Variants in KAT6B observed in about 807,000 individuals in gnomAD.
The protein encoded by KAT6B is histone acetyltransferase KAT6B.
A neutral mutation model predicts 187.5 loss-of-function variants in KAT6B; 10 were observed. The ratio of observed to expected loss-of-function variants is 0.05; its 90% CI spans 0.03 to 0.09. KAT6B has a LOEUF of 0.09. Among genes scored for constraint, KAT6B ranks in the 10% least tolerant of loss-of-function variants. The probability of loss-of-function intolerance (pLI) is 1.00; values close to 1 mark genes in which losing one functional copy is unlikely to be tolerated. For synonymous variants in KAT6B, 861 were observed against 926.8 expected (o/e 0.93, Z 1.29); for missense variants, 1,952 against 2,558.9 (o/e 0.76, Z 5.12).
intron 3 of KAT6B, among the ~76,000 whole-genome samples, chr10:74,916,933 G>A (rs1011478073): frequency 3.9e-5 from 6 of 152,138 alleles, no homozygotes; most frequent in African/African-American, 7.2e-5. Flanking sequence ...GCAAAACCCT[G>A]TCTCTACAAA....
chr10:74,844,538 C>A (rs12416071), intron 3 of KAT6B, among the ~76,000 whole-genome samples: 1 of 152,210 alleles, frequency 6.6e-6, no homozygotes, highest in African/African-American at 2.4e-5. Context: ...AATACGTCAC[C>A]TAAATCCCTC....
intron 3 of KAT6B, among the ~76,000 whole-genome samples, chr10:74,957,545 T>A (rs1840778382): frequency 6.6e-6 from 1 of 152,224 alleles, no homozygotes; most frequent in African/African-American, 2.4e-5. Flanking sequence ...CATGTCTCTC[T>A]CACAGCTAAA....
intron 13 of KAT6B, among the ~76,000 whole-genome samples, chr10:74,993,412 C>T (rs1843232540): frequency 6.6e-6 from 1 of 152,202 alleles, no homozygotes; most frequent in Non-Finnish European, 1.5e-5. Context: ...TTTCTCTTCT[C>T]TCTCATATTT....
In KAT6B at chr10:74,985,170, G is replaced by C; in HGVS notation, c.2464G>C (p.Glu822Gln). ...CCACAAAACGTTGTATTATGATGTC[G>C]AGCCATTCCTTTTTTATGTCCTTAC... ...LDHKTLYYDV[E>Q]PFLFYVLTKN... The change falls in exon 12 of 18, where the codon GAG becomes CAG. Residue 822 changes from glutamate (E) to glutamine (Q), a missense_variant. By Grantham distance (29) the Glu-to-Gln change is conservative. Around this residue, in one of 9 missense-constraint regions of KAT6B, gnomAD observed 87 missense variants for 191.8 expected, o/e 0.45. Coordinates refer to ENST00000287239, the MANE Select transcript of KAT6B (RefSeq NM_012330.4). 1 of 1,614,022 alleles carries C rather than the reference G, an allele frequency of 6.2e-7. No individual in the cohort carries two copies. The highest frequency in any genetic ancestry group is 1.1e-5 in the South Asian group (1 of 91,070).
intron 3 of KAT6B, among the ~76,000 whole-genome samples, chr10:74,949,403 A>G (rs1840164172): frequency 6.6e-6 from 1 of 152,142 alleles, no homozygotes; most frequent in African/African-American, 2.4e-5. Context: ...AGAAATTTGT[A>G]GGCTTCATCT....
chr10:74,825,924 G>T (rs920542847), upstream of KAT6B, among the ~76,000 whole-genome samples: 4 of 151,480 alleles, frequency 2.6e-5, no homozygotes, highest in African/African-American at 7.3e-5. The surrounding 1 kb of genome is among the most constrained non-coding windows in gnomAD (Gnocchi z 5.0). Flanking sequence ...GGACGGGACG[G>T]GACGGGAGAG....
At chr10:74,926,493 C>T (rs1848513136) in intron 3 of KAT6B, among the ~76,000 whole-genome samples, 1 of 152,160 alleles carries the variant, frequency 6.6e-6, no homozygotes, top group Non-Finnish European at 1.5e-5. Context: ...CCACTGTATC[C>T]ATATTGCCTA....
chr10:74,863,264 T>G (rs1843317405), intron 3 of KAT6B, among the ~76,000 whole-genome samples: 3 of 152,216 alleles, frequency 2.0e-5, no homozygotes, highest in Admixed American at 2.0e-4. Flanking sequence ...CTATATAATT[T>G]TGTATCTTCC....
intron 3 of KAT6B, among the ~76,000 whole-genome samples, chr10:74,932,499 A>G (rs1564571661): frequency 6.6e-6 from 1 of 152,162 alleles, no homozygotes; most frequent in Non-Finnish European, 1.5e-5. Flanking sequence ...CCTTTCAGAA[A>G]ATTTTTGTAA....
In KAT6B at chr10:74,949,662, A is replaced by G. The variant is rs577859084; in HGVS notation, c.622-10308A>G. ...ACTGTTGTGGTTGATGTTCTTAGAA[A>G]GACTTTCCTTCTCTCGTCTTACTCC... On this transcript the variant is annotated intron_variant, in intron 3 of 17. Coordinates refer to ENST00000287239, the MANE Select transcript of KAT6B (RefSeq NM_012330.4). 2.4e-4 allele frequency among the ~76,000 whole-genome samples: 34 copies of G among 141,518 alleles called. No individual in the cohort carries two copies. The South Asian group carries it at 7.5e-3, about 31-fold the overall frequency. 92.8% of individuals were successfully genotyped at this position (141,518 alleles called of 152,430 possible).
intron 2 of KAT6B, among the ~76,000 whole-genome samples, chr10:74,839,908 A>G (rs1841603121): frequency 1.3e-5 from 2 of 152,244 alleles, no homozygotes; most frequent in Non-Finnish European, 2.9e-5. Flanking sequence ...GGTTTATATA[A>G]TGAAACAAAA....
At chr10:74,969,847 T>A in intron 5 of KAT6B, 72 bp downstream of exon 5, 1 of 1,167,954 alleles carries the variant, frequency 8.6e-7, no homozygotes, top group Non-Finnish European at 1.3e-6. Flanking sequence ...TTCATTTTTA[T>A]AGAGTATGGC....
At chr10:74,891,005 A>G (rs947795475) in intron 3 of KAT6B, among the ~76,000 whole-genome samples, 1 of 152,224 alleles carries the variant, frequency 6.6e-6, no homozygotes, top group African/African-American at 2.4e-5. Context: ...ATGTATTCCC[A>G]TTCAATAAAA....
At chr10:74,837,427 A>G (rs1246403970) in intron 1 of KAT6B, among the ~76,000 whole-genome samples, 1 of 152,174 alleles carries the variant, frequency 6.6e-6, no homozygotes, top group Non-Finnish European at 1.5e-5. Flanking sequence ...CCAACCTTCA[A>G]GTTTTTATAG....
intron 13 of KAT6B, among the ~76,000 whole-genome samples, chr10:75,007,575 A>G (rs1400558630): frequency 6.6e-6 from 1 of 152,140 alleles, no homozygotes; most frequent in East Asian, 1.9e-4. Context: ...ATGAGAGAGA[A>G]AGGAGAGGTG....
intron 3 of KAT6B, among the ~76,000 whole-genome samples, chr10:74,849,453 C>T (rs187008191): frequency 2.8e-4 from 42 of 151,370 alleles, no homozygotes; most frequent in African/African-American, 1.0e-3. Context: ...CCACCAAGCC[C>T]GGCTAATTTT....
chr10:74,886,676 C>G (rs908705819), intron 3 of KAT6B, among the ~76,000 whole-genome samples: 1 of 152,206 alleles, frequency 6.6e-6, no homozygotes, highest in Non-Finnish European at 1.5e-5. Flanking sequence ...GCATCTGCTC[C>G]TACTCTGTAC....
intron 3 of KAT6B, among the ~76,000 whole-genome samples, chr10:74,860,761 GCC>G (rs1843120523): frequency 6.6e-6 from 1 of 152,228 alleles, no homozygotes; most frequent in African/African-American, 2.4e-5. Flanking sequence ...ACTTTGGGAG[GCC>G]AAGGCAGGAG....
chr10:74,917,231 G>A (rs912732451), intron 3 of KAT6B, among the ~76,000 whole-genome samples: 2 of 152,218 alleles, frequency 1.3e-5, no homozygotes, highest in African/African-American at 4.8e-5. Context: ...ATAGGGTAGA[G>A]TTAATTATAT....
Sources: allele counts gnomAD v4.1 joint callset (sites outside exome capture counted in the v4.1 genomes callset), GRCh38; gene constraint gnomAD v4.1.1; regional missense constraint gnomAD v4.1.1; non-coding constraint Gnocchi (gnomAD v3.1); transcripts MANE v1.5; gene names NCBI Gene and HGNC (gene_info 2026-07-23, HGNC 2026-07-21).